ITGA11: variants seen among roughly 807,000 people sequenced by gnomAD.
ITGA11 encodes integrin subunit alpha 11, also known as integrin alpha-11.
In ITGA11, 97 loss-of-function variants were observed where a neutral mutation model predicts 141.9. The observed-to-expected ratio is 0.68, with a 90% CI of 0.58 to 0.81. The LOEUF is 0.81. Ranked by LOEUF, ITGA11 falls within the 30% of genes least tolerant of loss-of-function variation. The pLI is 0.00. For synonymous variants in ITGA11, 658 were observed against 624.6 expected (o/e 1.05, Z -0.80); for missense variants, 1,387 against 1,559.2 (o/e 0.89, Z 1.86).
intron 2 of ITGA11, among the ~76,000 whole-genome samples, chr15:68,382,525 C>T (rs1215277396): frequency 2.0e-5 from 3 of 152,268 alleles, no homozygotes; most frequent in Non-Finnish European, 2.9e-5. Context: ...TGGGTCACAT[C>T]CAGACGTCTG....
In ITGA11 at chr15:68,324,443, A is replaced by G. The variant is rs944141867; in HGVS notation, c.2322+688T>C. On this transcript the variant is annotated intron_variant, in intron 18 of 29. Coordinates refer to ENST00000315757, the MANE Select transcript of ITGA11 (RefSeq NM_001004439.2). The surrounding 1 kb of genome is among the most constrained non-coding windows in gnomAD (Gnocchi z 6.3). ...GTTGTTTCCCAAATCCTCAAGGTTC[A>G]GGCATTAGCTATTCCATTTTATAAC... 1.3e-5 allele frequency among the ~76,000 whole-genome samples: 2 copies of G among 152,198 alleles called. No homozygotes were observed. The highest frequency in any genetic ancestry group is 4.8e-5 in the African/African-American group (2 of 41,456).
At chr15:68,343,756 C>A (rs1292119126) in intron 10 of ITGA11, among the ~76,000 whole-genome samples, 2 of 152,148 alleles carry the variant, frequency 1.3e-5, no homozygotes, top group African/African-American at 4.8e-5. Flanking sequence ...GGCACATACA[C>A]CATTTAGAGG....
intron 1 of ITGA11, among the ~76,000 whole-genome samples, chr15:68,426,146 C>T (rs1335807277): frequency 6.6e-6 from 1 of 152,200 alleles, no homozygotes; most frequent in Non-Finnish European, 1.5e-5. Context: ...GCTGGCTGGC[C>T]CTGGTGCCTG....
intron 2 of ITGA11, among the ~76,000 whole-genome samples, chr15:68,373,305 G>A (rs2140366155): frequency 6.6e-6 from 1 of 152,306 alleles, no homozygotes; most frequent in South Asian, 2.1e-4. Flanking sequence ...TGGTCCTGAA[G>A]GCACTCGGCA....
At chr15:68,363,676 G>T (rs1377858416) in intron 4 of ITGA11, among the ~76,000 whole-genome samples, 1 of 152,208 alleles carries the variant, frequency 6.6e-6, no homozygotes. Flanking sequence ...GCTTTCTGGG[G>T]TAAATTTTCT....
At chr15:68,379,620 G>A (rs1291964900) in intron 2 of ITGA11, among the ~76,000 whole-genome samples, 5 of 152,236 alleles carry the variant, frequency 3.3e-5, no homozygotes, top group Admixed American at 1.3e-4. Context: ...GCCTTGGTGA[G>A]CCCTTGGCCC....
chr15:68,330,942 C>T (rs762568331), intron 15 of ITGA11, 39 bp downstream of exon 15: 1 of 1,611,888 alleles, frequency 6.2e-7, no homozygotes, highest in South Asian at 1.1e-5. Flanking sequence ...TTGTGACTTT[C>T]AGGAGAGCCC....
intron 28 of ITGA11, among the ~76,000 whole-genome samples, chr15:68,306,311 C>G (rs1893194897): frequency 7.7e-6 from 1 of 130,534 alleles, no homozygotes; most frequent in Non-Finnish European, 1.7e-5. Flanking sequence ...AAGAAGGGTT[C>G]TCTCTCTCTC....
chr15:68,414,707 A>G (rs892977120), intron 1 of ITGA11, among the ~76,000 whole-genome samples: 1 of 152,214 alleles, frequency 6.6e-6, no homozygotes, highest in Admixed American at 6.5e-5. Flanking sequence ...TGGGCAGGCC[A>G]ACGGCCAGGG....
chr15:68,303,011 C>T lies in ITGA11; in HGVS notation c.*48G>A, dbSNP rs899538742. The T allele has an allele frequency of 1.8e-5, 26 of 1,469,260 alleles. No individual in the cohort carries two copies. The African/African-American group carries it at 3.1e-4, about 18-fold the overall frequency. 91.0% of individuals were successfully genotyped at this position (1,469,260 alleles called of 1,614,324 possible). ...CCACAGGCCTGGGTCTCAACACTAC[C>T]TGGACTGGTGTCCTGGCCCCCATCA... is the stretch of plus-strand genomic sequence containing the variant. On this transcript the variant is annotated 3_prime_UTR_variant, in exon 30 of 30. Transcript: ENST00000315757. This position sits in a 1 kb window ranked among gnomAD's most constrained non-coding sequence, Gnocchi z 5.3.
chr15:68,354,773 C>T (rs1895019288), intron 7 of ITGA11, among the ~76,000 whole-genome samples: 1 of 152,178 alleles, frequency 6.6e-6, no homozygotes, highest in Admixed American at 6.5e-5. Context: ...TTGTCACAGC[C>T]CTCCCATCAG....
chr15:68,389,229 C>T (rs1896060004), intron 2 of ITGA11, among the ~76,000 whole-genome samples: 1 of 152,250 alleles, frequency 6.6e-6, no homozygotes, highest in Non-Finnish European at 1.5e-5. Flanking sequence ...CCATGAACAC[C>T]TGAGATCCTT....
At chr15:68,318,389 C>T (rs976046704) in intron 20 of ITGA11, among the ~76,000 whole-genome samples, 1 of 152,162 alleles carries the variant, frequency 6.6e-6, no homozygotes, top group African/African-American at 2.4e-5. Flanking sequence ...AAGGCGGATG[C>T]TGGTGTGGGG....
At chr15:68,362,239 G>A (rs1895267158) in intron 4 of ITGA11, among the ~76,000 whole-genome samples, 1 of 152,192 alleles carries the variant, frequency 6.6e-6, no homozygotes, top group Admixed American at 6.5e-5. Flanking sequence ...ACTGATGTCA[G>A]TCCCCATTGA....
rs899952684 is a variant in ITGA11, at chr15:68,432,139, C to T, written c.-73G>A. On this transcript the variant is annotated 5_prime_UTR_variant, in exon 1 of 30. Coordinates refer to ENST00000315757, the MANE Select transcript of ITGA11 (RefSeq NM_001004439.2). ...CGGCAAGCCAGAGCGGCAGCCTCCT[C>T]GGCGCGGCGCCTGCAGCCTGCACTG... The T allele has an allele frequency of 4.3e-6, 5 of 1,172,908 alleles. No homozygotes were observed. The highest frequency in any genetic ancestry group is 5.5e-6 in the Non-Finnish European group (5 of 908,052). The allele number at this position is 1,172,908 out of a possible 1,614,324, so 72.7% of individuals were successfully genotyped here. A position where few individuals can be genotyped will look rare whatever the true frequency, so the allele number is the denominator to read the frequency against.
At chr15:68,398,597 A>T (rs1297443150) in intron 2 of ITGA11, among the ~76,000 whole-genome samples, 1 of 121,402 alleles carries the variant, frequency 8.2e-6, no homozygotes, top group Admixed American at 9.0e-5. Context: ...TATTAAATAT[A>T]ATATAAATAT....
intron 3 of ITGA11, among the ~76,000 whole-genome samples, chr15:68,367,425 G>A (rs1210688022): frequency 6.6e-6 from 1 of 152,124 alleles, no homozygotes; most frequent in East Asian, 1.9e-4. Flanking sequence ...TAGGGCGTTT[G>A]CACTTGCTCC....
chr15:68,423,334 G>A (rs1036518347), intron 1 of ITGA11, among the ~76,000 whole-genome samples: 1 of 152,084 alleles, frequency 6.6e-6, no homozygotes, highest in Non-Finnish European at 1.5e-5. Context: ...GAGGTTTTCA[G>A]GAGGAAGTGG....
intron 1 of ITGA11, among the ~76,000 whole-genome samples, chr15:68,426,259 C>T (rs576150353): frequency 1.2e-4 from 18 of 152,340 alleles, no homozygotes; most frequent in South Asian, 4.1e-4. Context: ...CTTATTAGTG[C>T]GGTTCAGCAT....
Sources: gnomAD v4.1 joint callset for allele counts (sites outside exome capture counted in the v4.1 genomes callset) on GRCh38, gnomAD v4.1.1 for gene constraint, Gnocchi (gnomAD v3.1) non-coding constraint, MANE v1.5 for transcripts, NCBI Gene and HGNC (gene_info 2026-07-23, HGNC 2026-07-21) for gene names.